The following ADGRG7 variants were observed in gnomAD, a reference collection of about 807,000 sequenced individuals.
ADGRG7 encodes G-protein coupled receptor 128.
In ADGRG7, 82 loss-of-function variants were observed where a neutral mutation model predicts 88.6. That is an observed-to-expected ratio of 0.93 (90% CI 0.77 to 1.11). The LOEUF is 1.11. ADGRG7 is among the 50% of genes most tolerant of loss of function. The probability of loss-of-function intolerance (pLI) is 0.00; values close to 1 mark genes in which losing one functional copy is unlikely to be tolerated. For missense variants in ADGRG7, 945 were observed against 953.4 expected, an observed-to-expected ratio of 0.99 and a Z score of 0.12; for synonymous variants, 381 against 345.2, an observed-to-expected ratio of 1.10 and a Z score of -1.15.
At position 100,635,812 on chromosome 3, in the gene ADGRG7, A is replaced by G. The variant is rs543518317; in HGVS notation, c.583A>G (p.Asn195Asp). The change falls in exon 5 of 16, where the codon AAT becomes GAT. Residue 195 changes from asparagine to aspartate, a missense_variant. Transcript: ENST00000273352. ...TGGACAGATATTCAACACTTCCAGA[A>G]ATGCTTCACCTGAGGTAAAACTCAC... is the stretch of plus-strand genomic sequence containing the variant. ...VVGQIFNTSR[N>D]ASPEAKKVAI... 1.4e-5 allele frequency: 22 copies of G among 1,612,464 alleles called. No individual in the cohort carries two copies. Among genetic ancestry groups the G allele is most frequent in the African/African-American group, 1.2e-4 (9 of 74,994 alleles).
At chr3:100,669,135 G>C in intron 15 of ADGRG7, 30 bp downstream of exon 15, 4 of 1,465,462 alleles carry the variant, frequency 2.7e-6, no homozygotes, top group Non-Finnish European at 3.6e-6. Context: ...GAAAGTAGCA[G>C]AACACGCAGT....
At chr3:100,665,554 T>TTACATATG in intron 14 of ADGRG7, 1 of 394,376 alleles carries the variant, frequency 2.5e-6, no homozygotes, top group South Asian at 2.0e-5. Flanking sequence ...CATATGTACT[T>TTACATATG]TACAGATCAA....
At chr3:100,690,203 G>A (rs1421828458) in intron 15 of ADGRG7, among the ~76,000 whole-genome samples, 5 of 152,096 alleles carry the variant, frequency 3.3e-5, no homozygotes, top group Non-Finnish European at 7.3e-5. Flanking sequence ...CGTAGTTCTC[G>A]TGCCGTGGTT....
chr3:100,637,177 A>G, intron 5 of ADGRG7, 125 bp from the exon 6 acceptor site: 1 of 643,910 alleles, frequency 1.6e-6, no homozygotes, highest in Non-Finnish European at 2.7e-6. Context: ...ATTTTGTAAA[A>G]TGCTTCCCTC....
intron 1 of ADGRG7, among the ~76,000 whole-genome samples, chr3:100,625,446 G>A (rs757169355): frequency 1.3e-5 from 2 of 152,124 alleles, no homozygotes; most frequent in Non-Finnish European, 2.9e-5. Flanking sequence ...CTGAGACGAT[G>A]GGGTTTTCTA....
intron 15 of ADGRG7, 53 bp from the exon 16 acceptor site, chr3:100,694,691 T>G: frequency 1.3e-6 from 2 of 1,546,782 alleles, no homozygotes; most frequent in Non-Finnish European, 1.8e-6. Context: ...AATGTCTTCC[T>G]TGATACTGTA....
chr3:100,609,946 G>A lies in ADGRG7; in HGVS notation c.90G>A (p.Trp30Ter), dbSNP rs778196513. 14 of 1,613,490 alleles carry A rather than the reference G, an allele frequency of 8.7e-6. No homozygotes were observed. The highest frequency in any genetic ancestry group is 1.7e-5 in the Admixed American group (1 of 59,994). ...GCATCATTTTGGGACTGGGCATCTG[G>A]AGGATTGTGATCAGGATCCAAAGAG... Reference protein sequence around the residue: ...LTGIILGLGIWRIVIRIQRGK... With the variant: ...LTGIILGLGI Residue 30 changes from tryptophan to a stop codon, truncating the protein, a stop_gained, in exon 1 of 16, where the codon TGG (tryptophan) becomes TGA (stop). Coordinates refer to ENST00000273352, the MANE Select transcript of ADGRG7 (RefSeq NM_032787.3). LOFTEE classifies it high-confidence loss of function.
At chr3:100,611,252 C>CCTTCT (rs1559666803) in intron 1 of ADGRG7, among the ~76,000 whole-genome samples, 3 of 99,434 alleles carry the variant, frequency 3.0e-5, no homozygotes, top group Admixed American at 1.8e-4. Flanking sequence ...TTTTTCCTTC[C>CCTTCT]TTCCTTCCTT....
In ADGRG7 at chr3:100,649,675, A is replaced by G. The variant is rs2094926162; in HGVS notation, c.1267-20A>G. ...TCAGGGATGACTAATTAAAAATATGAGTCTTACCTTGTTTTTCAGACTTTC... is the reference window on the plus strand; with the variant it reads ...TCAGGGATGACTAATTAAAAATATGGGTCTTACCTTGTTTTTCAGACTTTC... On this transcript the variant is annotated intron_variant, in intron 10 of 15. Coordinates refer to ENST00000273352, the MANE Select transcript of ADGRG7 (RefSeq NM_032787.3). 7.6e-7 allele frequency: 1 copy of G among 1,317,976 alleles called. No homozygotes were observed. The highest frequency in any genetic ancestry group is 1.1e-6 in the Non-Finnish European group (1 of 913,734). 81.6% of individuals were successfully genotyped at this position (1,317,976 alleles called of 1,614,324 possible). A position where few individuals can be genotyped will look rare whatever the true frequency, so the allele number is the denominator to read the frequency against.
intron 15 of ADGRG7, among the ~76,000 whole-genome samples, chr3:100,678,682 T>C (rs561406965): frequency 3.3e-5 from 5 of 152,344 alleles, no homozygotes; most frequent in South Asian, 2.1e-4. Flanking sequence ...TCCAGTAACC[T>C]TGTGGCTCTT....
chr3:100,649,385 A>C (rs2094925052), intron 10 of ADGRG7, among the ~76,000 whole-genome samples: 1 of 152,214 alleles, frequency 6.6e-6, no homozygotes, highest in East Asian at 1.9e-4. Flanking sequence ...GCAGGACTTG[A>C]GTATCCATGG....
At chr3:100,629,809 C>A in intron 2 of ADGRG7, 98 bp downstream of exon 2, 1 of 754,810 alleles carries the variant, frequency 1.3e-6, no homozygotes, top group Non-Finnish European at 2.3e-6. Flanking sequence ...TTAATGGTTA[C>A]AGAAACAATG....
In ADGRG7 at chr3:100,694,776, A is replaced by G. The variant is rs2094999349; in HGVS notation, c.2169A>G (p.Arg723=). 1.2e-5 allele frequency: 19 copies of G among 1,614,134 alleles called. No homozygotes were observed. The African/African-American group carries it at 1.6e-4, about 14-fold the overall frequency. Reference sequence around the variant, plus strand: ...AAATTTTTATCCTGTACACTGTTAGAACAAAAGTCTTCCAGAGTGAAGCTT... The same window carrying G: ...AAATTTTTATCCTGTACACTGTTAGGACAAAAGTCTTCCAGAGTGAAGCTT... ...GLQIFILYTV[R]TKVFQSEASK... is the part of the protein sequence containing the mutation. The change falls in exon 16 of 16, where the codon AGA becomes AGG. Residue 723 remains arginine, a synonymous_variant. Transcript: ENST00000273352.
intron 15 of ADGRG7, 64 bp downstream of exon 15, chr3:100,669,169 TTAGTTA>T: frequency 3.9e-6 from 5 of 1,298,350 alleles, no homozygotes; most frequent in Non-Finnish European, 4.1e-6. Context: ...TCTTGATATC[TTAGTTA>T]CCTTTAAGAG....
intron 1 of ADGRG7, among the ~76,000 whole-genome samples, chr3:100,617,805 G>A (rs1378268539): frequency 1.3e-5 from 2 of 152,110 alleles, no homozygotes; most frequent in Admixed American, 6.5e-5. Flanking sequence ...CTTCCACAAT[G>A]GTTGAACTAG....
intron 6 of ADGRG7, among the ~76,000 whole-genome samples, chr3:100,638,715 GA>G (rs933205830): frequency 2.7e-5 from 4 of 150,698 alleles, no homozygotes; most frequent in Admixed American, 2.0e-4. Context: ...ACACTACATT[GA>G]AAAAAAAGAA....
At chr3:100,665,592 C>T (rs577484136) in intron 14 of ADGRG7, 9 of 359,208 alleles carry the variant, frequency 2.5e-5, no homozygotes, top group East Asian at 7.3e-5. Flanking sequence ...CCTATATGAA[C>T]GGTAGTTCAT....
intron 4 of ADGRG7, 198 bp from the exon 5 acceptor site, chr3:100,635,479 G>A (rs981610701): frequency 1.6e-6 from 2 of 1,244,280 alleles, no homozygotes; most frequent in East Asian, 2.9e-5. Context: ...TGTCAAACAG[G>A]AAAGGCTGGC....
intron 15 of ADGRG7, among the ~76,000 whole-genome samples, chr3:100,682,967 G>T (rs555138859): frequency 6.6e-6 from 1 of 152,224 alleles, no homozygotes; most frequent in Non-Finnish European, 1.5e-5. Context: ...TGGGTGGAAG[G>T]GGGAGGGTCC....
Sources: gnomAD v4.1 joint callset for allele counts (sites outside exome capture counted in the v4.1 genomes callset) on GRCh38, gnomAD v4.1.1 for gene constraint, MANE v1.5 for transcripts, NCBI Gene and HGNC (gene_info 2026-07-23, HGNC 2026-07-21) for gene names.